Variants in TRIM36 observed in about 807,000 individuals in gnomAD.
The protein encoded by TRIM36 is tripartite motif containing 36.
Under a neutral mutation model 72.4 loss-of-function variants are expected in TRIM36, and 42 were observed. The observed-to-expected ratio is 0.58, with a 90% confidence interval of 0.45 to 0.75. The LOEUF is 0.75. Among genes scored for constraint, TRIM36 ranks in the 30% least tolerant of loss-of-function variants. TRIM36 has a pLI of 0.00. For synonymous variants in TRIM36, 315 were observed against 282.8 expected (o/e 1.11, Z -1.14); for missense variants, 913 against 857.1 (o/e 1.07, Z -0.81).
intron 1 of TRIM36, among the ~76,000 whole-genome samples, 171 bp from the exon 2 acceptor site, chr5:115,163,923 C>T (rs1197108608): frequency 6.6e-6 from 1 of 152,098 alleles, no homozygotes; most frequent in Admixed American, 6.6e-5. Flanking sequence ...CAACTGCCCT[C>T]AACACCCATA....
At chr5:115,178,590 G>A (rs1755457510) in intron 1 of TRIM36, among the ~76,000 whole-genome samples, 1 of 152,164 alleles carries the variant, frequency 6.6e-6, no homozygotes, top group Admixed American at 6.5e-5. Flanking sequence ...CTGCTGCTGG[G>A]GCGACAAAGA....
chr5:115,128,079 TA>T (rs1182929099), intron 9 of TRIM36, among the ~76,000 whole-genome samples: 7 of 101,588 alleles, frequency 6.9e-5, no homozygotes, highest in African/African-American at 1.6e-4. Flanking sequence ...AACAAGGCTA[TA>T]AAAAAAATTG....
intron 2 of TRIM36, among the ~76,000 whole-genome samples, 187 bp from the exon 3 acceptor site, chr5:115,147,581 G>A (rs1753664443): frequency 6.6e-6 from 1 of 152,108 alleles, no homozygotes; most frequent in South Asian, 2.1e-4. Context: ...CAAAAGACAA[G>A]CCCAAGTTAT....
In TRIM36 at chr5:115,130,581, C is replaced by G; in HGVS notation, c.1796+11G>C. On this transcript the variant is annotated intron_variant, in intron 9 of 9. Transcript: ENST00000513154. ...AAAATTATCAAGTTCTAGATCAATA[C>G]AAAAACCTACCTTGGACTAACTGCA... 1 of 1,608,556 alleles carries G rather than the reference C, an allele frequency of 6.2e-7. No individual in the cohort carries two copies. The highest frequency in any genetic ancestry group is 8.5e-7 in the Non-Finnish European group (1 of 1,177,446).
At chr5:115,175,672 C>T (rs1181910191) in intron 1 of TRIM36, among the ~76,000 whole-genome samples, 2 of 140,778 alleles carry the variant, frequency 1.4e-5, no homozygotes, top group East Asian at 2.1e-4. Context: ...TTATCTTTAG[C>T]GCAATATAGT....
chr5:115,150,579 C>G (rs910221349), intron 2 of TRIM36, among the ~76,000 whole-genome samples: 1 of 152,198 alleles, frequency 6.6e-6, no homozygotes, highest in Non-Finnish European at 1.5e-5. Context: ...TCTGACAGAG[C>G]AGCATGTGGA....
upstream of TRIM36, chr5:115,180,294 C>T: frequency 5.5e-6 from 2 of 360,926 alleles, no homozygotes; most frequent in Non-Finnish European, 5.0e-6. Flanking sequence ...TCTAACGGAA[C>T]AAACGAGGGC....
rs1752311493 is a variant in TRIM36, at chr5:115,125,058, C to T, written c.*1445G>A. On this transcript the variant is annotated 3_prime_UTR_variant, in exon 10 of 10. Transcript: ENST00000513154. Reference sequence around the variant, plus strand: ...ACACTGAAGTTCTCCATGATATTTGCTACTTGAGTTGAGGGTAAAAAGCTA... The same window carrying T: ...ACACTGAAGTTCTCCATGATATTTGTTACTTGAGTTGAGGGTAAAAAGCTA... 2.0e-5 allele frequency: 3 copies of T among 152,424 alleles called. No homozygotes were observed. Among genetic ancestry groups the T allele is most frequent in the Admixed American group, 2.0e-4 (3 of 15,260 alleles). The allele number at this position is 152,424 out of a possible 1,614,324, so 9.4% of individuals were successfully genotyped here.
intron 1 of TRIM36, 108 bp from the exon 2 acceptor site, chr5:115,163,860 A>G: frequency 1.0e-6 from 1 of 953,372 alleles, no homozygotes; most frequent in East Asian, 2.6e-5. Context: ...AAGAATTAAG[A>G]AAATGATTTT....
intron 1 of TRIM36, among the ~76,000 whole-genome samples, chr5:115,168,377 G>A (rs1754905690): frequency 6.6e-6 from 1 of 152,080 alleles, no homozygotes; most frequent in Non-Finnish European, 1.5e-5. Context: ...TCATATCTAT[G>A]AATCCTATAG....
At chr5:115,164,623 T>C (rs1259512199) in intron 1 of TRIM36, among the ~76,000 whole-genome samples, 1 of 152,204 alleles carries the variant, frequency 6.6e-6, no homozygotes, top group Non-Finnish European at 1.5e-5. Flanking sequence ...TGTGATTCAA[T>C]GGCCTCCCAC....
At chr5:115,173,200 G>T (rs112416709), upstream of TRIM36, among the ~76,000 whole-genome samples, 16 of 152,156 alleles carry the variant, frequency 1.1e-4, 1 homozygote, top group African/African-American at 3.9e-4. Flanking sequence ...TAAAATCCTG[G>T]TGGGTTTTGT....
chr5:115,132,349 C>T (rs1379780781), intron 8 of TRIM36, among the ~76,000 whole-genome samples: 1 of 151,790 alleles, frequency 6.6e-6, no homozygotes, highest in Non-Finnish European at 1.5e-5. Flanking sequence ...GCCTGGCCAA[C>T]ATGGTGAAAC....
intron 1 of TRIM36, among the ~76,000 whole-genome samples, chr5:115,176,457 A>G (rs1755344612): frequency 6.6e-6 from 1 of 152,206 alleles, no homozygotes; most frequent in Non-Finnish European, 1.5e-5. Context: ...TGCCTATTTC[A>G]GTATCAAAAT....
intron 2 of TRIM36, among the ~76,000 whole-genome samples, chr5:115,156,126 A>C (rs775695256): frequency 1.3e-5 from 2 of 152,208 alleles, no homozygotes; most frequent in Non-Finnish European, 2.9e-5. Context: ...GGACTTCTAC[A>C]AAGAAAACTA....
rs117540460 is a variant in TRIM36 at position 115,136,624 on chromosome 5, T to A, written c.1210+376A>T. ...CGTTGCTCATAAAAGAGGAAAAAAA[T>A]GGAAAAAAAAAGTCTCTTAGTAGGA... On this transcript the variant is annotated intron_variant, in intron 7 of 9. Coordinates refer to ENST00000513154, the MANE Select transcript of TRIM36 (RefSeq NM_001300759.2). 1.0e-3 allele frequency among the ~76,000 whole-genome samples: 154 copies of A among 150,706 alleles called. 1 individual carries two copies. In the East Asian group the frequency reaches 0.026, roughly 26 times the overall value.
chr5:115,152,364 C>G (rs991194663), intron 2 of TRIM36, among the ~76,000 whole-genome samples: 5 of 152,052 alleles, frequency 3.3e-5, no homozygotes, highest in African/African-American at 1.2e-4. Flanking sequence ...TCCAAGAAGC[C>G]TGGGATTACG....
chr5:115,171,314 G>A (rs943372786), upstream of TRIM36: 23 of 1,550,900 alleles, frequency 1.5e-5, no homozygotes, highest in South Asian at 2.0e-4. Context: ...GTGAACAGAG[G>A]ACGAAAGCTT....
At chr5:115,159,789 A>G (rs1182212164) in intron 2 of TRIM36, 2 of 396,830 alleles carry the variant, frequency 5.0e-6, no homozygotes, top group African/African-American at 2.1e-5. Context: ...TATTGAATTA[A>G]CAGTAAAAAT....
Sources: gnomAD v4.1 joint callset for allele counts (sites outside exome capture counted in the v4.1 genomes callset) on GRCh38, gnomAD v4.1.1 for gene constraint, MANE v1.5 for transcripts, NCBI Gene and HGNC (gene_info 2026-07-23, HGNC 2026-07-21) for gene names.